AGPAT3: variants seen among roughly 807,000 people sequenced by gnomAD.
AGPAT3 encodes 1-acylglycerol-3-phosphate O-acyltransferase 3.
A neutral mutation model predicts 47.3 loss-of-function variants in AGPAT3; 5 were observed. The observed-to-expected ratio is 0.11, with a 90% CI of 0.06 to 0.22. The LOEUF (loss-of-function observed/expected upper bound fraction) is 0.22, where lower values mean the gene tolerates loss of function less well. AGPAT3 is among the 10% of genes least tolerant of loss of function. The pLI, the probability that AGPAT3 is intolerant of heterozygous loss-of-function variation, is 1.00. For synonymous variants in AGPAT3, 212 were observed against 208.3 expected, an observed-to-expected ratio of 1.02 and a Z score of -0.15; for missense variants, 315 against 493.0, an observed-to-expected ratio of 0.64 and a Z score of 3.42.
At chr21:43,976,360 T>C (rs941042921) in intron 7 of AGPAT3, among the ~76,000 whole-genome samples, 9 of 152,054 alleles carry the variant, frequency 5.9e-5, no homozygotes, top group Non-Finnish European at 1.3e-4. Context: ...CCACCACATC[T>C]GGCTAATTTT....
At chr21:43,872,679 C>T (rs60898352) in intron 1 of AGPAT3, among the ~76,000 whole-genome samples, 1 of 152,274 alleles carries the variant, frequency 6.6e-6, no homozygotes, top group East Asian at 1.9e-4. Context: ...TTATATCTTT[C>T]GTATTTTTCC....
intron 8 of AGPAT3, 58 bp downstream of exon 8, chr21:43,978,179 G>A: frequency 2.0e-6 from 3 of 1,516,624 alleles, no homozygotes; most frequent in Non-Finnish European, 1.8e-6. Flanking sequence ...TGTGGAAGGG[G>A]TGCTGGCGAG....
At chr21:43,925,878 A>G (rs2087037904) in intron 2 of AGPAT3, among the ~76,000 whole-genome samples, 1 of 152,214 alleles carries the variant, frequency 6.6e-6, no homozygotes, top group South Asian at 2.1e-4. Flanking sequence ...GTCTGCTGCA[A>G]ATGTCCTGGG....
chr21:43,980,124 T>TA (rs1367822580), intron 8 of AGPAT3, among the ~76,000 whole-genome samples: 1 of 150,872 alleles, frequency 6.6e-6, no homozygotes, highest in East Asian at 1.9e-4. Context: ...CCACTAAAAA[T>TA]ACAAAAATTA....
intron 2 of AGPAT3, among the ~76,000 whole-genome samples, chr21:43,935,903 G>A (rs2087428937): frequency 6.6e-6 from 1 of 152,200 alleles, no homozygotes; most frequent in South Asian, 2.1e-4. Flanking sequence ...TGGCTCTCCA[G>A]GTGCGCTAAG....
chr21:43,966,638 G>C (rs2089143268), intron 3 of AGPAT3: 1 of 152,212 alleles, frequency 6.6e-6, no homozygotes, highest in Non-Finnish European at 1.5e-5. Flanking sequence ...GGCGTCTCTG[G>C]CCATCCTGGG....
intron 1 of AGPAT3, among the ~76,000 whole-genome samples, chr21:43,888,724 T>C (rs556008643): frequency 1.3e-5 from 2 of 152,290 alleles, no homozygotes; most frequent in South Asian, 4.1e-4. Flanking sequence ...GGCGAGGTGC[T>C]TCACGCCTGT....
At chr21:43,978,558 C>T (rs931649698) in intron 8 of AGPAT3, among the ~76,000 whole-genome samples, 3 of 152,220 alleles carry the variant, frequency 2.0e-5, no homozygotes, top group Non-Finnish European at 2.9e-5. Flanking sequence ...ATCTTCTGGC[C>T]TCGGCCTCCC....
Position 43,931,402 on chromosome 21 carries a change from C to T in AGPAT3, c.-49+27383C>T, listed in dbSNP as rs574048143. ...TTATGTTGTAGCTCTGAGGAGGCCT[C>T]CAGGAAATTGAATCAACATACTCGG... On this transcript the variant is annotated intron_variant, in intron 2 of 9. Transcript: ENST00000291572. 1.2e-4 allele frequency among the ~76,000 whole-genome samples: 18 copies of T among 152,224 alleles called. No individual in the cohort carries two copies. In the East Asian group the frequency reaches 2.9e-3, roughly 24 times the overall value.
In AGPAT3 at chr21:43,970,849, C is replaced by T. The variant is rs1005668734; in HGVS notation, c.664+43C>T. ...CGAGCCGGGGCCACCGCTATGCTCA[C>T]GGAAAATAGTGATTTCTTTAAAAAA... is the stretch of plus-strand genomic sequence containing the variant. On this transcript the variant is annotated intron_variant, in intron 6 of 9. Coordinates refer to ENST00000291572, the MANE Select transcript of AGPAT3 (RefSeq NM_020132.5). The surrounding 1 kb of genome is among the most constrained non-coding windows in gnomAD (Gnocchi z 5.8). The T allele has an allele frequency of 1.1e-5, 16 of 1,426,540 alleles. No individual in the cohort carries two copies. The highest frequency in any genetic ancestry group is 6.1e-5 in the African/African-American group (4 of 65,918). The allele number at this position is 1,426,540 out of a possible 1,614,324, so 88.4% of individuals were successfully genotyped here. A position where few individuals can be genotyped will look rare whatever the true frequency, so the allele number is the denominator to read the frequency against.
intron 1 of AGPAT3, among the ~76,000 whole-genome samples, chr21:43,869,006 T>G (rs2085567223): frequency 6.6e-6 from 1 of 152,250 alleles, no homozygotes; most frequent in South Asian, 2.1e-4. Context: ...AAAATCTACA[T>G]TTCTGAAACG....
chr21:43,946,032 CAG>C (rs1225487381), intron 2 of AGPAT3, among the ~76,000 whole-genome samples: 1 of 152,174 alleles, frequency 6.6e-6, no homozygotes. Flanking sequence ...CACCAGGACT[CAG>C]GGGTTCCAGC....
intron 2 of AGPAT3, among the ~76,000 whole-genome samples, chr21:43,940,786 G>A (rs926301408): frequency 1.3e-5 from 2 of 152,234 alleles, no homozygotes; most frequent in African/African-American, 2.4e-5. Context: ...TGCCTGATGG[G>A]CTGGTTTATG....
At chr21:43,876,967 T>G (rs533700971) in intron 1 of AGPAT3, among the ~76,000 whole-genome samples, 1 of 152,308 alleles carries the variant, frequency 6.6e-6, no homozygotes, top group East Asian at 1.9e-4. Flanking sequence ...CAAGTGATTC[T>G]TGTGCCTCAG....
intron 1 of AGPAT3, among the ~76,000 whole-genome samples, chr21:43,900,719 C>T (rs1014521952): frequency 8.5e-5 from 13 of 152,122 alleles, no homozygotes; most frequent in African/African-American, 3.1e-4. Flanking sequence ...TCCCCGAGTT[C>T]ACAGGGTGGG....
Position 43,969,098 on chromosome 21 carries a change from C to T in AGPAT3, c.349-20C>T, listed in dbSNP as rs767922693. Reference sequence around the variant, plus strand: ...GTCCGACGCTGAAGTGCCAGGTGCCCCTCCTTCTCCTCCCTCCAGAGCTCC... The same window carrying T: ...GTCCGACGCTGAAGTGCCAGGTGCCTCTCCTTCTCCTCCCTCCAGAGCTCC... On this transcript the variant is annotated intron_variant, in intron 4 of 9. Coordinates refer to ENST00000291572, the MANE Select transcript of AGPAT3 (RefSeq NM_020132.5). 74 of 1,613,172 alleles carry T rather than the reference C, an allele frequency of 4.6e-5. No homozygotes were observed. The highest frequency in any genetic ancestry group is 6.0e-5 in the Non-Finnish European group (71 of 1,179,462).
Position 43,984,988 on chromosome 21 carries a change from A to C in AGPAT3, c.*2596A>C, listed in dbSNP as rs1189692168. On this transcript the variant is annotated 3_prime_UTR_variant, in exon 10 of 10. Transcript: ENST00000291572. ...CCAGTCCTTGAGCCAGGCCGAGGACAGGAAGGGCATTGCTGGCCTGTAGCT... is the reference window on the plus strand; with the variant it reads ...CCAGTCCTTGAGCCAGGCCGAGGACCGGAAGGGCATTGCTGGCCTGTAGCT... 2.5e-6 allele frequency: 1 copy of C among 400,288 alleles called. No individual in the cohort carries two copies. The highest frequency in any genetic ancestry group is 7.2e-5 in the East Asian group (1 of 13,892). The allele number at this position is 400,288 out of a possible 1,614,324, so 24.8% of individuals were successfully genotyped here. A position where few individuals can be genotyped will look rare whatever the true frequency, so the allele number is the denominator to read the frequency against.
chr21:43,972,861 G>A lies in AGPAT3; in HGVS notation c.767+1371G>A, dbSNP rs76291130. ...TCTCTGGTTTCATTCAAGTGTGTGC[G>A]GAAAGGCAGGGCCCTCCTTGCCACA... On this transcript the variant is annotated intron_variant, in intron 7 of 9. Coordinates refer to ENST00000291572, the MANE Select transcript of AGPAT3 (RefSeq NM_020132.5). Among the ~76,000 whole-genome samples, 1,369 of 152,342 alleles carry A rather than the reference G, an allele frequency of 9.0e-3. 11 individuals are homozygous for A. Among genetic ancestry groups the A allele is most frequent in the Non-Finnish European group, 0.015 (990 of 68,026 alleles).
At chr21:43,971,362 A>G (rs756797617) in intron 6 of AGPAT3, 26 bp from the exon 7 acceptor site, 2 of 1,608,530 alleles carry the variant, frequency 1.2e-6, no homozygotes, top group Non-Finnish European at 1.7e-6. Flanking sequence ...GGGCTGGGTC[A>G]TTCACCCTCC....
Sources: allele counts gnomAD v4.1 joint callset (sites outside exome capture counted in the v4.1 genomes callset), GRCh38; gene constraint gnomAD v4.1.1; non-coding constraint Gnocchi (gnomAD v3.1); transcripts MANE v1.5; gene names NCBI Gene and HGNC (gene_info 2026-07-23, HGNC 2026-07-21).